The following CHUK variants were observed in gnomAD, a reference collection of about 807,000 sequenced individuals.
The protein encoded by CHUK is inhibitor of nuclear factor kappa-B kinase subunit alpha.
In CHUK, 35 loss-of-function variants were observed where a neutral mutation model predicts 104.8. The ratio of observed to expected loss-of-function variants is 0.33; its 90% CI spans 0.26 to 0.44. The LOEUF (loss-of-function observed/expected upper bound fraction) is 0.44, where lower values mean the gene tolerates loss of function less well. Ranked by LOEUF, CHUK falls within the 20% of genes least tolerant of loss-of-function variation. The pLI, the probability that CHUK is intolerant of heterozygous loss-of-function variation, is 1.00. For synonymous variants in CHUK, 276 were observed against 291.9 expected, an observed-to-expected ratio of 0.95 and a Z score of 0.56; for missense variants, 663 against 902.7, an observed-to-expected ratio of 0.73 and a Z score of 3.40.
chr10:100,200,550 A>G, intron 15 of CHUK, 121 bp downstream of exon 15: 1 of 683,518 alleles, frequency 1.5e-6, no homozygotes, highest in South Asian at 1.6e-5. Flanking sequence ...TATAATGCCA[A>G]TATATTTGGG....
Position 100,229,594 on chromosome 10 carries a change from G to T in CHUK, c.-62C>A. On this transcript the variant is annotated 5_prime_UTR_variant, in exon 1 of 21. Coordinates refer to ENST00000370397, the MANE Select transcript of CHUK (RefSeq NM_001278.5). ...GTTCCAAGGCCGGTTCCGGGCCGCCGATGCTCGCGCGTCTTTGTTCTCGCG... is the reference window on the plus strand; with the variant it reads ...GTTCCAAGGCCGGTTCCGGGCCGCCTATGCTCGCGCGTCTTTGTTCTCGCG... 1 of 974,160 alleles carries T rather than the reference G, an allele frequency of 1.0e-6. No homozygotes were observed. Among genetic ancestry groups the T allele is most frequent in the Non-Finnish European group, 1.5e-6 (1 of 659,460 alleles). The allele number at this position is 974,160 out of a possible 1,614,324, so 60.3% of individuals were successfully genotyped here. A position where few individuals can be genotyped will look rare whatever the true frequency, so the allele number is the denominator to read the frequency against.
In CHUK at chr10:100,218,061, T is replaced by G. The variant is rs767259460; in HGVS notation, c.867A>C (p.Gly289=). The change falls in exon 9 of 21, where the codon GGA becomes GGC. Residue 289 remains glycine, a synonymous_variant. Transcript: ENST00000370397. ...MLNWDPQQRG[G]PVDLTLKQPR... ...GCTGCTTCAAAGTAAGGTCAACAGG[T>G]CCTCCTCTCTGCTGAGGGTCCCAAT... 6.2e-7 allele frequency: 1 copy of G among 1,612,860 alleles called. No homozygotes were observed. Among genetic ancestry groups the G allele is most frequent in the South Asian group, 1.1e-5 (1 of 91,066 alleles).
intron 9 of CHUK, among the ~76,000 whole-genome samples, chr10:100,214,040 C>T (rs1437225618): frequency 5.3e-5 from 8 of 152,108 alleles, no homozygotes; most frequent in Admixed American, 5.2e-4. Context: ...TCCATGCCTT[C>T]CCAATTTAGG....
At chr10:100,226,400 T>C (rs1302953162) in intron 1 of CHUK, among the ~76,000 whole-genome samples, 1 of 152,168 alleles carries the variant, frequency 6.6e-6, no homozygotes, top group Non-Finnish European at 1.5e-5. Flanking sequence ...ATGAAGAAGG[T>C]AATTCAGGGC....
At chr10:100,195,337 T>C (rs1845299439) in intron 16 of CHUK, 1 of 152,226 alleles carries the variant, frequency 6.6e-6, no homozygotes, top group Non-Finnish European at 1.5e-5. Flanking sequence ...ACAGCAGTCA[T>C]GTGAGAAGAC....
Position 100,194,121 on chromosome 10 carries a change from C to T in CHUK, c.1837G>A (p.Gly613Ser), listed in dbSNP as rs751019629. 1.2e-6 allele frequency: 2 copies of T among 1,613,524 alleles called. No homozygotes were observed. The highest frequency in any genetic ancestry group is 3.3e-5 in the Admixed American group (2 of 59,996). Residue 613 changes from glycine (G) to serine (S), a missense_variant, in exon 18 of 21, where the codon GGC becomes AGC. Gly to Ser is a moderately conservative substitution (Grantham distance 56, BLOSUM62 0). Coordinates refer to ENST00000370397, the MANE Select transcript of CHUK (RefSeq NM_001278.5). ...ELFGHLSKLL[G>S]CKQKIIDLLP... ...AGATCAATAATCTTCTGCTTACAGC[C>T]CAACAACTTGCTGGAGAGATTAAAT...
intron 16 of CHUK, among the ~76,000 whole-genome samples, chr10:100,199,611 GCCA>G (rs983379918): frequency 6.6e-6 from 1 of 152,198 alleles, no homozygotes; most frequent in Non-Finnish European, 1.5e-5. Flanking sequence ...ACAGGCATGA[GCCA>G]CCACAACTGG....
rs781058674 is a variant in CHUK, at chr10:100,225,967, G to C, written c.156C>G (p.Thr52=). The change falls in exon 2 of 21, where the codon ACC becomes ACG. Residue 52 remains threonine (T), a synonymous_variant. Coordinates refer to ENST00000370397, the MANE Select transcript of CHUK (RefSeq NM_001278.5). ...CATGGCACCATCGTTCTCTGTTTTT[G>C]GTACTTAGCTCTAGGCGACAAGACT... is the stretch of plus-strand genomic sequence containing the variant. ...AIKSCRLELS[T]KNRERWCHEI... The C allele has an allele frequency of 2.5e-6, 4 of 1,609,618 alleles. No individual in the cohort carries two copies. Among genetic ancestry groups the C allele is most frequent in the African/African-American group, 2.7e-5 (2 of 74,694 alleles).
At chr10:100,201,654 A>G (rs1845465105) in intron 14 of CHUK, among the ~76,000 whole-genome samples, 1 of 152,166 alleles carries the variant, frequency 6.6e-6, no homozygotes, top group Non-Finnish European at 1.5e-5. Context: ...CAGGAGTTTG[A>G]TACAAGCCTG....
At chr10:100,210,091 A>ATTTATTTTT (rs58570772) in intron 9 of CHUK, among the ~76,000 whole-genome samples, 1 of 121,802 alleles carries the variant, frequency 8.2e-6, no homozygotes, top group African/African-American at 3.0e-5. Context: ...TTATTTATTT[A>ATTTATTTTT]TTTTTTTTTT....
chr10:100,211,430 T>C (rs773811690), intron 9 of CHUK, among the ~76,000 whole-genome samples: 1 of 152,186 alleles, frequency 6.6e-6, no homozygotes, highest in African/African-American at 2.4e-5. Context: ...ACCTTTTTTT[T>C]CTTTTGCTGC....
chr10:100,202,003 G>T, intron 14 of CHUK, 85 bp downstream of exon 14: 1 of 996,118 alleles, frequency 1.0e-6, no homozygotes, highest in Non-Finnish European at 1.6e-6. Flanking sequence ...CATGAAAAAT[G>T]CTCTTTATAT....
chr10:100,203,774 T>C (rs1162232291), intron 13 of CHUK, among the ~76,000 whole-genome samples: 1 of 152,124 alleles, frequency 6.6e-6, no homozygotes, highest in Non-Finnish European at 1.5e-5. Flanking sequence ...CCACAGTAGA[T>C]GGTTTGAAAA....
rs777436676 is a variant in CHUK, at chr10:100,202,098, T to C, written c.1559A>G (p.His520Arg). 95 of 1,610,998 alleles carry C rather than the reference T, an allele frequency of 5.9e-5. No individual in the cohort carries two copies. Among genetic ancestry groups the C allele is most frequent in the Non-Finnish European group, 6.2e-5 (73 of 1,177,604 alleles). ...CGTCAATGATTTTACCTCAGCATAG[T>C]GGATGGCCTTTTCTTCCATTTCTTT... The part of the protein sequence containing the change: ...AWKEMEEKAI[H>R]YAEVGVIGYL... The change falls in exon 14 of 21, where the codon CAC becomes CGC. Residue 520 changes from histidine to arginine, a missense_variant. Physicochemically the swap from His to Arg is conservative, Grantham distance 29. Transcript: ENST00000370397.
At chr10:100,226,781 G>C (rs1846115065) in intron 1 of CHUK, among the ~76,000 whole-genome samples, 1 of 152,178 alleles carries the variant, frequency 6.6e-6, no homozygotes, top group African/African-American at 2.4e-5. Flanking sequence ...ACACAAACCA[G>C]AGTTGTAATA....
At position 100,209,786 on chromosome 10, in the gene CHUK, C is replaced by A; in HGVS notation, c.937G>T (p.Val313Leu). The change falls in exon 10 of 21, where the codon GTA (valine) becomes TTA (leucine). Residue 313 changes from valine to leucine, a missense_variant. Val to Leu is a conservative substitution (Grantham distance 32). Around this residue, in one of 5 missense-constraint regions of CHUK, gnomAD observed 93 missense variants for 95.9 expected, o/e 0.97. Transcript: ENST00000370397. The stretch of plus-strand genomic sequence containing the variant: ...GCAGAAGTCATATTTAGGATGTGTA[C>A]TATCTGTATAAATAAGAAAAAAAGG... ...LMDHILNLKIVHILNMTSAKI... is the reference protein window; with the variant it reads ...LMDHILNLKILHILNMTSAKI... 7.6e-7 allele frequency: 1 copy of A among 1,318,424 alleles called. No homozygotes were observed. Among genetic ancestry groups the A allele is most frequent in the Non-Finnish European group, 1.1e-6 (1 of 912,090 alleles). The allele number at this position is 1,318,424 out of a possible 1,614,324, so 81.7% of individuals were successfully genotyped here.
At chr10:100,194,383 C>T (rs774676804) in intron 17 of CHUK, 42 bp downstream of exon 17, 13 of 1,370,284 alleles carry the variant, frequency 9.5e-6, no homozygotes, top group Admixed American at 5.1e-5. Context: ...ACAAGATAAA[C>T]GTATCCTGGT....
Position 100,193,443 on chromosome 10 carries a change from GAAA to G in CHUK, c.1975-15_1975-13del. ...GCAGAACTCTGTGTCTGAAGGAAAA[GAAA>G]AAAACATCAAAAGATTACAGGCAAG... On this transcript the variant is annotated splice_polypyrimidine_tract_variant and intron_variant, in intron 18 of 20. Transcript: ENST00000370397. 6.2e-7 allele frequency: 1 copy of G among 1,613,752 alleles called. No individual in the cohort carries two copies. The highest frequency in any genetic ancestry group is 8.5e-7 in the Non-Finnish European group (1 of 1,179,836).
rs17885841 is a variant in CHUK, at chr10:100,191,641, C to T, written c.2109-673G>A. On this transcript the variant is annotated intron_variant, in intron 19 of 20. Transcript: ENST00000370397. ...CTTCTATATGGCCTCTAGCTTCTCC[C>T]TTTGCCAATCTTCAGTCCCCTAACA... Among the ~76,000 whole-genome samples, 1,296 of 152,288 alleles carry T rather than the reference C, an allele frequency of 8.5e-3. 9 individuals carry two copies. The highest frequency in any genetic ancestry group is 0.015 in the Non-Finnish European group (1,016 of 68,024).
Sources: allele counts gnomAD v4.1 joint callset (sites outside exome capture counted in the v4.1 genomes callset), GRCh38; gene constraint gnomAD v4.1.1; regional missense constraint gnomAD v4.1.1; transcripts MANE v1.5; gene names NCBI Gene and HGNC (gene_info 2026-07-23, HGNC 2026-07-21).